The following SLF2 variants were observed in gnomAD, a reference collection of about 807,000 sequenced individuals.
The protein encoded by SLF2 is SMC5-SMC6 complex localization factor protein 2.
Under a neutral mutation model 124.3 loss-of-function variants are expected in SLF2, and 68 were observed. The ratio of observed to expected loss-of-function variants is 0.55; its 90% CI spans 0.45 to 0.67. The LOEUF (loss-of-function observed/expected upper bound fraction) is 0.67, where lower values mean the gene tolerates loss of function less well. Ranked by LOEUF, SLF2 falls within the 30% of genes least tolerant of loss-of-function variation. SLF2 has a pLI of 0.00. For synonymous variants in SLF2, 480 were observed against 478.8 expected (o/e 1.00, Z -0.03); for missense variants, 1,246 against 1,373.7 (o/e 0.91, Z 1.47).
At chr10:100,921,496 G>A (rs1849523671) in intron 4 of SLF2, among the ~76,000 whole-genome samples, 1 of 152,136 alleles carries the variant, frequency 6.6e-6, no homozygotes, top group Admixed American at 6.5e-5. Context: ...GCTGACAAAG[G>A]ATACAAAAAG....
chr10:100,924,070 A>G lies in SLF2; in HGVS notation c.1069A>G (p.Arg357Gly), dbSNP rs1849565129. Residue 357 changes from arginine to glycine, a missense_variant, in exon 5 of 20, where the codon AGA becomes GGA. Coordinates refer to ENST00000238961, the MANE Select transcript of SLF2 (RefSeq NM_018121.4). ...AAGAGAATCTATGATACCAAAAGCA[A>G]GAGAGTCCTTCCTTGAGAAGCGTCC... ...STRESMIPKARESFLEKRPDG... is the reference protein window; with the variant it reads ...STRESMIPKAGESFLEKRPDG... The G allele has an allele frequency of 1.9e-6, 3 of 1,611,948 alleles. No individual in the cohort carries two copies. Among genetic ancestry groups the G allele is most frequent in the East Asian group, 4.5e-5 (2 of 44,890 alleles).
chr10:100,919,764 A>G (rs1276806329), intron 4 of SLF2, among the ~76,000 whole-genome samples: 1 of 152,226 alleles, frequency 6.6e-6, no homozygotes, highest in African/African-American at 2.4e-5. Flanking sequence ...TTCATTGAGT[A>G]CTTACTGTGT....
intron 10 of SLF2, among the ~76,000 whole-genome samples, chr10:100,938,181 T>C (rs560783058): frequency 3.3e-5 from 5 of 152,346 alleles, no homozygotes; most frequent in Admixed American, 1.3e-4. Flanking sequence ...TAACATTTGC[T>C]TTCTCATCTT....
Position 100,931,003 on chromosome 10 carries a change from G to A in SLF2, c.2361G>A (p.Leu787=). 1 of 1,613,798 alleles carries A rather than the reference G, an allele frequency of 6.2e-7. No individual in the cohort carries two copies. Among genetic ancestry groups the A allele is most frequent in the Non-Finnish European group, 8.5e-7 (1 of 1,179,866 alleles). ...CGGGAAAAACAGATCAGATTTTTTT[G>A]ACAACACAAGGTTTCCTTACGTCTG... ...LKSGKTDQIF[L]TTQGFLTSAY... The change falls in exon 9 of 20, where the codon TTG becomes TTA. Residue 787 remains leucine, a synonymous_variant. Coordinates refer to ENST00000238961, the MANE Select transcript of SLF2 (RefSeq NM_018121.4).
At chr10:100,916,167 A>G in intron 2 of SLF2, 125 bp downstream of exon 2, 2 of 670,698 alleles carry the variant, frequency 3.0e-6, no homozygotes, top group Non-Finnish European at 5.0e-6. Context: ...AAATAAAATG[A>G]AGATGCAGTA....
intron 9 of SLF2, among the ~76,000 whole-genome samples, chr10:100,935,529 G>T (rs117288810): frequency 7.3e-5 from 11 of 151,698 alleles, no homozygotes; most frequent in African/African-American, 2.7e-4. Context: ...GGAGAAACCC[G>T]TCTCTAGCCT....
chr10:100,917,787 G>A (rs1849446277), intron 3 of SLF2, among the ~76,000 whole-genome samples: 2 of 152,032 alleles, frequency 1.3e-5, no homozygotes, highest in Admixed American at 6.6e-5. Flanking sequence ...ATACTGCCCA[G>A]GCTGGCCTTG....
Position 100,913,484 on chromosome 10 carries a change from A to G in SLF2, c.140+234A>G, listed in dbSNP as rs2133741657. The G allele has an allele frequency of 2.4e-6, 3 of 1,273,144 alleles. No individual in the cohort carries two copies. In the East Asian group the frequency reaches 9.4e-5, roughly 40 times the overall value. The allele number at this position is 1,273,144 out of a possible 1,614,324, so 78.9% of individuals were successfully genotyped here. A position where few individuals can be genotyped will look rare whatever the true frequency, so the allele number is the denominator to read the frequency against. Reference sequence around the variant, plus strand: ...CTAGTGACCACCAGCCTGGACAGCTACGGAGAACCCGCCTTAGGTAGAAAG... The same window carrying G: ...CTAGTGACCACCAGCCTGGACAGCTGCGGAGAACCCGCCTTAGGTAGAAAG... On this transcript the variant is annotated intron_variant, in intron 1 of 19. Transcript: ENST00000238961.
At chr10:100,922,239 G>A (rs138320017) in intron 4 of SLF2, among the ~76,000 whole-genome samples, 2 of 152,204 alleles carry the variant, frequency 1.3e-5, no homozygotes, top group East Asian at 1.9e-4. Context: ...CACTGCACCC[G>A]GCTAATTTTT....
At chr10:100,932,399 T>A in intron 9 of SLF2, among the ~76,000 whole-genome samples, 1 of 152,170 alleles carries the variant, frequency 6.6e-6, no homozygotes, top group Admixed American at 6.5e-5. Flanking sequence ...CCAGAAATCC[T>A]ATAACAAAAA....
chr10:100,938,595 A>G lies in SLF2; in HGVS notation c.2513A>G (p.Asp838Gly), dbSNP rs749628820. The change falls in exon 11 of 20, where the codon GAT (aspartate) becomes GGT (glycine). Residue 838 changes from aspartate to glycine, a missense_variant and splice_region_variant. Asp to Gly is a moderately conservative substitution (Grantham distance 94). Around this residue, in one of 3 missense-constraint regions of SLF2, gnomAD observed 535 missense variants for 632.8 expected, o/e 0.85. Coordinates refer to ENST00000238961, the MANE Select transcript of SLF2 (RefSeq NM_018121.4). ...TGAAATGTTTTCTTCTGTTAATTAG[A>G]TACCTTCAGTGACTCACCAGTTTGG... Reference protein sequence around the residue: ...STLMEITIRNDTFSDSPVWPW... With the variant: ...STLMEITIRNGTFSDSPVWPW... 5.6e-6 allele frequency: 9 copies of G among 1,606,022 alleles called. No homozygotes were observed. Among genetic ancestry groups the G allele is most frequent in the Non-Finnish European group, 7.6e-6 (9 of 1,177,696 alleles).
intron 11 of SLF2, among the ~76,000 whole-genome samples, chr10:100,940,563 T>G (rs1048719902): frequency 6.6e-6 from 1 of 152,174 alleles, no homozygotes; most frequent in Admixed American, 6.5e-5. Context: ...AGTTTTGCCA[T>G]GTTGCCCAGG....
chr10:100,925,238 A>G (rs1849593278), intron 5 of SLF2, among the ~76,000 whole-genome samples: 1 of 152,176 alleles, frequency 6.6e-6, no homozygotes, highest in South Asian at 2.1e-4. Context: ...CCTTTAGATT[A>G]TATATATGTA....
chr10:100,947,559 C>G (rs1410342986), intron 14 of SLF2, among the ~76,000 whole-genome samples: 1 of 152,016 alleles, frequency 6.6e-6, no homozygotes, highest in African/African-American at 2.4e-5. Flanking sequence ...TATTGAGCTT[C>G]AGATAACTCA....
At chr10:100,957,423 T>C (rs1850353539) in intron 18 of SLF2, among the ~76,000 whole-genome samples, 1 of 141,158 alleles carries the variant, frequency 7.1e-6, no homozygotes, top group Non-Finnish European at 1.5e-5. Flanking sequence ...CAAATTCGAC[T>C]CACTGCAACC....
chr10:100,964,752 GC>G lies in SLF2; in HGVS notation c.*2842del. 1 of 152,384 alleles carries G rather than the reference GC, an allele frequency of 6.6e-6. No homozygotes were observed. Among genetic ancestry groups the G allele is most frequent in the South Asian group, 2.1e-4 (1 of 4,826 alleles). 9.4% of individuals were successfully genotyped at this position (152,384 alleles called of 1,614,324 possible). A position where few individuals can be genotyped will look rare whatever the true frequency, so the allele number is the denominator to read the frequency against. On this transcript the variant is annotated 3_prime_UTR_variant, in exon 20 of 20. Coordinates refer to ENST00000238961, the MANE Select transcript of SLF2 (RefSeq NM_018121.4). ...CAGTAATAATGTGTGGCGTCTTTAA[GC>G]CAAGAGTAATTTTTAAATTAAAAAT...
chr10:100,923,606 G>A (rs924644804), intron 4 of SLF2, among the ~76,000 whole-genome samples: 2 of 151,764 alleles, frequency 1.3e-5, no homozygotes, highest in African/African-American at 4.8e-5. Flanking sequence ...AAATGTAGAA[G>A]TGTTACATTT....
intron 17 of SLF2, among the ~76,000 whole-genome samples, chr10:100,954,821 A>G (rs1850294302): frequency 6.6e-6 from 1 of 152,158 alleles, no homozygotes; most frequent in Non-Finnish European, 1.5e-5. Context: ...ACGTACCTGT[A>G]GTCCCAGCTA....
intron 17 of SLF2, among the ~76,000 whole-genome samples, chr10:100,952,059 C>G (rs1850225873): frequency 6.6e-6 from 1 of 151,928 alleles, no homozygotes; most frequent in Non-Finnish European, 1.5e-5. Context: ...GCCTGGCCAG[C>G]ATGGTGAAAC....
Sources: gnomAD v4.1 joint callset for allele counts (sites outside exome capture counted in the v4.1 genomes callset) on GRCh38, gnomAD v4.1.1 for gene constraint, gnomAD v4.1.1 regional missense constraint, MANE v1.5 for transcripts, NCBI Gene and HGNC (gene_info 2026-07-23, HGNC 2026-07-21) for gene names.